Variants in CENPP observed in about 807,000 individuals in gnomAD.
CENPP encodes the protein centromere protein P.
CENPP carries 24 observed loss-of-function variants against 35.6 expected under a neutral mutation model. That is an observed-to-expected ratio of 0.67 (90% CI 0.49 to 0.95). The LOEUF is 0.95. CENPP is among the 40% of genes least tolerant of loss of function. The probability of loss-of-function intolerance (pLI) is 0.00; values close to 1 mark genes in which losing one functional copy is unlikely to be tolerated. For missense variants in CENPP, 332 were observed against 345.3 expected (o/e 0.96, Z 0.31); for synonymous variants, 120 against 125.5 (o/e 0.96, Z 0.29).
At chr9:92,436,386 G>A (rs1050627813) in intron 5 of CENPP, among the ~76,000 whole-genome samples, 2 of 152,138 alleles carry the variant, frequency 1.3e-5, no homozygotes, top group Non-Finnish European at 2.9e-5. Context: ...ATCTTTCACA[G>A]AGCAAAAGTT....
At chr9:92,367,031 TCAGCTGCGGTAG>T (rs1462151728) in intron 4 of CENPP, among the ~76,000 whole-genome samples, 8 of 152,304 alleles carry the variant, frequency 5.3e-5, no homozygotes, top group Middle Eastern at 3.4e-3. Context: ...CCTGCTCCCT[TCAGCTGCGGTAG>T]CAGCACACAT....
At chr9:92,457,000 T>A in intron 5 of CENPP, 1 of 1,141,272 alleles carries the variant, frequency 8.8e-7, no homozygotes, top group Non-Finnish European at 1.1e-6. Flanking sequence ...ACCGAATATC[T>A]TACTTTTTTG....
intron 5 of CENPP, among the ~76,000 whole-genome samples, chr9:92,471,730 C>CA (rs1174640567): frequency 6.7e-6 from 1 of 150,306 alleles, no homozygotes; most frequent in Non-Finnish European, 1.5e-5. Flanking sequence ...GCAGTGGCGC[C>CA]ATCTCGGCTC....
intron 1 of CENPP, among the ~76,000 whole-genome samples, chr9:92,330,684 C>CT (rs1305277053): frequency 7.0e-5 from 8 of 114,346 alleles, no homozygotes; most frequent in African/African-American, 2.4e-4. Context: ...TTTTTCTTTT[C>CT]TTTGTTTTTT....
intron 5 of CENPP, chr9:92,509,862 T>C: frequency 1.3e-6 from 2 of 1,577,950 alleles, no homozygotes; most frequent in Non-Finnish European, 1.7e-6. Context: ...GGAAAGATTA[T>C]AAGGAAGCAT....
intron 5 of CENPP, among the ~76,000 whole-genome samples, chr9:92,555,906 A>G (rs905506310): frequency 1.3e-5 from 2 of 151,718 alleles, no homozygotes; most frequent in Non-Finnish European, 2.9e-5. Context: ...TTCTGCTCTA[A>G]TCTTGGTTAT....
intron 5 of CENPP, among the ~76,000 whole-genome samples, chr9:92,508,211 T>G (rs2131179118): frequency 6.6e-6 from 1 of 152,318 alleles, no homozygotes; most frequent in South Asian, 2.1e-4. Flanking sequence ...GGGCCAGTAC[T>G]GCAGTAGCTC....
At chr9:92,547,404 A>G (rs529920151) in intron 5 of CENPP, among the ~76,000 whole-genome samples, 1 of 152,362 alleles carries the variant, frequency 6.6e-6, no homozygotes, top group East Asian at 1.9e-4. Context: ...AACAGCCTAA[A>G]TGTTTGTCAA....
At chr9:92,427,593 G>A (rs1844000577) in intron 5 of CENPP, among the ~76,000 whole-genome samples, 1 of 152,136 alleles carries the variant, frequency 6.6e-6, no homozygotes, top group Non-Finnish European at 1.5e-5. Context: ...CAATTCTTCT[G>A]CCTCGGCCTC....
intron 5 of CENPP, among the ~76,000 whole-genome samples, chr9:92,563,654 A>G (rs1849897180): frequency 6.6e-6 from 1 of 152,164 alleles, no homozygotes; most frequent in Non-Finnish European, 1.5e-5. Context: ...TCAAACACTC[A>G]ATTATTTTGT....
intron 5 of CENPP, among the ~76,000 whole-genome samples, chr9:92,519,534 A>T (rs1420503075): frequency 6.6e-6 from 1 of 152,238 alleles, no homozygotes; most frequent in Non-Finnish European, 1.5e-5. Flanking sequence ...ATTTTCAAGA[A>T]GGGTGTCAAG....
At chr9:92,591,992 A>T (rs1056451741) in intron 5 of CENPP, among the ~76,000 whole-genome samples, 1 of 152,152 alleles carries the variant, frequency 6.6e-6, no homozygotes, top group Non-Finnish European at 1.5e-5. Flanking sequence ...AACATGGCAC[A>T]TGTATACATA....
chr9:92,606,941 C>T (rs574658153), intron 5 of CENPP, among the ~76,000 whole-genome samples: 123 of 151,956 alleles, frequency 8.1e-4, no homozygotes, highest in Middle Eastern at 3.4e-3. Context: ...CCAGCCTGGG[C>T]GACAGAGCAA....
intron 4 of CENPP, among the ~76,000 whole-genome samples, chr9:92,369,304 G>A (rs1340103558): frequency 6.6e-6 from 1 of 152,158 alleles, no homozygotes; most frequent in African/African-American, 2.4e-5. Flanking sequence ...GTGTAAGCCG[G>A]CTTAAGCTTG....
At chr9:92,370,223 A>T (rs143738679) in intron 4 of CENPP, among the ~76,000 whole-genome samples, 32 of 152,178 alleles carry the variant, frequency 2.1e-4, no homozygotes, top group African/African-American at 7.2e-4. Flanking sequence ...TTTGCTAGTT[A>T]CTTTGTTGAA....
intron 5 of CENPP, among the ~76,000 whole-genome samples, chr9:92,386,836 C>T (rs1167022447): frequency 6.6e-6 from 1 of 151,910 alleles, no homozygotes; most frequent in Non-Finnish European, 1.5e-5. Flanking sequence ...CCCGCCTCAG[C>T]CTCCCAAAGT....
At chr9:92,527,302 C>T (rs1232291333) in intron 5 of CENPP, among the ~76,000 whole-genome samples, 7 of 152,200 alleles carry the variant, frequency 4.6e-5, no homozygotes, top group Non-Finnish European at 7.3e-5. Context: ...TGAGCCCCCA[C>T]ACCTGGCTTT....
chr9:92,522,854 C>T, intron 5 of CENPP: 2 of 1,602,916 alleles, frequency 1.2e-6, no homozygotes, highest in Non-Finnish European at 1.7e-6. Context: ...CAAAACAAAA[C>T]TGCAATCTTC....
At chr9:92,524,432 A>G (rs149144441) in intron 5 of CENPP, among the ~76,000 whole-genome samples, 1 of 152,316 alleles carries the variant, frequency 6.6e-6, no homozygotes, top group East Asian at 1.9e-4. Flanking sequence ...GCCAGGGACA[A>G]GAGAAACCTC....
Sources: allele counts gnomAD v4.1 joint callset (sites outside exome capture counted in the v4.1 genomes callset), GRCh38; gene constraint gnomAD v4.1.1; transcripts MANE v1.5; gene names NCBI Gene and HGNC (gene_info 2026-07-23, HGNC 2026-07-21).